FGGY: variants seen among roughly 807,000 people sequenced by gnomAD.
FGGY encodes FGGY carbohydrate kinase domain containing.
FGGY carries 72 observed loss-of-function variants against 71.3 expected under a neutral mutation model. The observed-to-expected ratio is 1.01, with a 90% confidence interval of 0.84 to 1.23. The LOEUF is 1.23. Among genes scored for constraint, FGGY ranks in the 50% most tolerant of loss-of-function variants. The pLI is 0.00. For missense variants in FGGY, 668 were observed against 682.3 expected, an observed-to-expected ratio of 0.98 and a Z score of 0.23; for synonymous variants, 251 against 250.3, an observed-to-expected ratio of 1.00 and a Z score of -0.02.
intron 11 of FGGY, chr1:59,641,212 C>A: frequency 8.1e-7 from 1 of 1,241,660 alleles, no homozygotes; most frequent in Non-Finnish European, 1.1e-6. Flanking sequence ...CATTGTCTAA[C>A]CAATGATAGA....
chr1:59,546,683 A>T (rs1179658857), intron 7 of FGGY, among the ~76,000 whole-genome samples: 2 of 151,696 alleles, frequency 1.3e-5, no homozygotes, highest in Non-Finnish European at 2.9e-5. Flanking sequence ...AGTAGCTGGG[A>T]CTATAGGTGC....
In FGGY at chr1:59,762,663, C is replaced by A; in HGVS notation, c.*79C>A. On this transcript the variant is annotated 3_prime_UTR_variant, in exon 16 of 16. Transcript: ENST00000303721. The stretch of plus-strand genomic sequence containing the variant: ...TTGTCATTTGATCCATGTTCAAGAC[C>A]CTTGAGGTATTGTTTCATCATTTCT... 1 of 1,029,698 alleles carries A rather than the reference C, an allele frequency of 9.7e-7. No individual in the cohort carries two copies. 63.8% of individuals were successfully genotyped at this position (1,029,698 alleles called of 1,614,324 possible). A position where few individuals can be genotyped will look rare whatever the true frequency, so the allele number is the denominator to read the frequency against.
chr1:59,495,031 T>C (rs2093989197), intron 6 of FGGY, among the ~76,000 whole-genome samples: 1 of 152,210 alleles, frequency 6.6e-6, no homozygotes, highest in Non-Finnish European at 1.5e-5. Context: ...TCTGACTTTT[T>C]AATGATAGCC....
In FGGY at chr1:59,346,258, C is replaced by T. The variant is rs372760219; in HGVS notation, c.325C>T (p.Arg109Ter). The change falls in exon 4 of 16, where the codon CGA becomes TGA. Residue 109 changes from arginine (R) to a stop codon, truncating the protein, a stop_gained. Coordinates refer to ENST00000303721, the MANE Select transcript of FGGY (RefSeq NM_018291.5). LOFTEE classifies it high-confidence loss of function. ...CTCGTTTCTGCTAGGGGATTCCCAT[C>T]GAAACGTCATCATGTGGCTGGACCA... ...LPVNQEGDSH[R>*]NVIMWLDHRA... The T allele has an allele frequency of 6.8e-6, 11 of 1,612,742 alleles. No individual in the cohort carries two copies. The highest frequency in any genetic ancestry group is 3.7e-4 in the Middle Eastern group (2 of 5,448).
chr1:59,742,645 T>G (rs182316577), intron 14 of FGGY, among the ~76,000 whole-genome samples: 3 of 152,376 alleles, frequency 2.0e-5, no homozygotes, highest in Admixed American at 2.0e-4. Context: ...TATTAAAATC[T>G]GAACCCACCA....
chr1:59,653,896 T>C (rs1159471234), intron 11 of FGGY, among the ~76,000 whole-genome samples: 2 of 152,248 alleles, frequency 1.3e-5, no homozygotes, highest in Non-Finnish European at 2.9e-5. Flanking sequence ...GTCGCTTGAC[T>C]GACTCCTCTG....
At chr1:59,345,327 G>A (rs1368159512) in intron 3 of FGGY, among the ~76,000 whole-genome samples, 1 of 152,128 alleles carries the variant, frequency 6.6e-6, no homozygotes, top group African/African-American at 2.4e-5. Context: ...ATTAATTGCT[G>A]TTCTGCAACT....
Position 59,459,666 on chromosome 1 carries a change from C to T in FGGY, c.670+2590C>T, listed in dbSNP as rs1355866867. Among the ~76,000 whole-genome samples the T allele has an allele frequency of 2.0e-5, 3 of 152,134 alleles. No homozygotes were observed. In the East Asian group the frequency reaches 5.8e-4, roughly 29 times the overall value. ...TAATTCCCCAGTTACCTATCTAATC[C>T]TAAACATCTATCAAAAGCAAACAGG... On this transcript the variant is annotated intron_variant, in intron 6 of 15. Coordinates refer to ENST00000303721, the MANE Select transcript of FGGY (RefSeq NM_018291.5).
intron 6 of FGGY, among the ~76,000 whole-genome samples, chr1:59,463,513 A>T (rs1558010289): frequency 6.6e-6 from 1 of 152,200 alleles, no homozygotes; most frequent in African/African-American, 2.4e-5. Flanking sequence ...ACATAACAAT[A>T]TTAACCTTAA....
rs2053861241 is a variant in FGGY at position 59,354,271 on chromosome 1, G to A, written c.465+7873G>A. On this transcript the variant is annotated intron_variant, in intron 4 of 15. Coordinates refer to ENST00000303721, the MANE Select transcript of FGGY (RefSeq NM_018291.5). The stretch of plus-strand genomic sequence containing the variant: ...TTGTGTATTTTTTTGTAGAGATGAG[G>A]TTTTACCATGTTGCCCAGGCTGGTC... 2.6e-5 allele frequency among the ~76,000 whole-genome samples: 4 copies of A among 152,144 alleles called. No homozygotes were observed. In the South Asian group the frequency reaches 8.3e-4, roughly 32 times the overall value.
intron 11 of FGGY, among the ~76,000 whole-genome samples, chr1:59,643,482 A>T (rs76784900): frequency 0.074 from 11,212 of 152,220 alleles, 1,107 homozygotes; most frequent in African/African-American, 0.23. Context: ...GGCATGAAAC[A>T]CTGTTCCCAG....
chr1:59,550,854 C>T (rs1293909217), intron 7 of FGGY, among the ~76,000 whole-genome samples: 1 of 152,118 alleles, frequency 6.6e-6, no homozygotes, highest in Admixed American at 6.5e-5. Flanking sequence ...AGGTCAAATC[C>T]TGGCACTGCT....
At chr1:59,670,974 T>C (rs2097372465) in intron 13 of FGGY, among the ~76,000 whole-genome samples, 1 of 152,260 alleles carries the variant, frequency 6.6e-6, no homozygotes, top group Admixed American at 6.5e-5. Flanking sequence ...TTTTTAGTAC[T>C]GGTAGTTTCA....
intron 14 of FGGY, among the ~76,000 whole-genome samples, chr1:59,721,557 C>T (rs948430936): frequency 6.6e-6 from 1 of 151,850 alleles, no homozygotes; most frequent in African/African-American, 2.4e-5. Flanking sequence ...AGGCTGGTCT[C>T]GAACTCCTGA....
chr1:59,601,008 G>A (rs2096572345), intron 8 of FGGY, among the ~76,000 whole-genome samples: 1 of 127,432 alleles, frequency 7.8e-6, no homozygotes, highest in South Asian at 2.4e-4. Flanking sequence ...TTTGTACCAT[G>A]TGGTGATCTA....
At chr1:59,703,211 T>C (rs1212367499) in intron 14 of FGGY, among the ~76,000 whole-genome samples, 1 of 152,184 alleles carries the variant, frequency 6.6e-6, no homozygotes, top group Non-Finnish European at 1.5e-5. Flanking sequence ...CTCAGGTATT[T>C]TCTGCCTTGT....
chr1:59,576,677 G>GACAGAC (rs779800900), intron 8 of FGGY, among the ~76,000 whole-genome samples: 7 of 130,054 alleles, frequency 5.4e-5, no homozygotes, highest in East Asian at 2.5e-4. Context: ...CAGACAGACA[G>GACAGAC]ACACACACAC....
At chr1:59,750,248 G>T (rs578191067) in intron 14 of FGGY, among the ~76,000 whole-genome samples, 221 of 152,194 alleles carry the variant, frequency 1.5e-3, no homozygotes, top group Non-Finnish European at 2.7e-3. Flanking sequence ...ATGACCAAGA[G>T]ACCAATTTGA....
chr1:59,634,447 A>G (rs2096937156), intron 10 of FGGY, among the ~76,000 whole-genome samples: 1 of 152,154 alleles, frequency 6.6e-6, no homozygotes, highest in Non-Finnish European at 1.5e-5. Context: ...GAGACAGGCA[A>G]TATGGAAGCT....
Sources: gnomAD v4.1 joint callset for allele counts (sites outside exome capture counted in the v4.1 genomes callset) on GRCh38, gnomAD v4.1.1 for gene constraint, MANE v1.5 for transcripts, NCBI Gene and HGNC (gene_info 2026-07-23, HGNC 2026-07-21) for gene names.